Variants in TMEM59 observed in about 807,000 individuals in gnomAD.
TMEM59 encodes the protein transmembrane protein 59.
TMEM59 carries 44 observed loss-of-function variants against 42.2 expected under a neutral mutation model. The observed-to-expected ratio is 1.04, with a 90% CI of 0.82 to 1.34. The LOEUF is 1.34. Among genes scored for constraint, TMEM59 ranks in the 40% most tolerant of loss-of-function variants. The pLI, the probability that TMEM59 is intolerant of heterozygous loss-of-function variation, is 0.00. For missense variants in TMEM59, 359 were observed against 382.8 expected, an observed-to-expected ratio of 0.94 and a Z score of 0.52; for synonymous variants, 148 against 145.8, an observed-to-expected ratio of 1.02 and a Z score of -0.11.
intron 3 of TMEM59, 58 bp downstream of exon 3, chr1:54,045,634 G>A: frequency 6.6e-7 from 1 of 1,509,606 alleles, no homozygotes; most frequent in East Asian, 2.3e-5. Flanking sequence ...AACACTTCAA[G>A]CAATACAAGT....
chr1:54,043,348 T>C, intron 4 of TMEM59, 25 bp downstream of exon 4: 1 of 1,505,076 alleles, frequency 6.6e-7, no homozygotes, highest in African/African-American at 1.4e-5. Context: ...AGTATTTAGA[T>C]GAATCCATGA....
chr1:54,038,526 G>C (rs1193968877), intron 6 of TMEM59, among the ~76,000 whole-genome samples: 2 of 152,206 alleles, frequency 1.3e-5, no homozygotes, highest in East Asian at 3.8e-4. Context: ...AAATGCAAGT[G>C]AAGAAAGAGT....
At chr1:54,050,652 G>A (rs1370385917) in intron 1 of TMEM59, among the ~76,000 whole-genome samples, 2 of 150,898 alleles carry the variant, frequency 1.3e-5, no homozygotes, top group African/African-American at 4.9e-5. Context: ...TCTGTCTCCC[G>A]GGTTCAGGCG....
Position 54,029,560 on chromosome 1 carries a change from A to T in TMEM59, c.*2590T>A, listed in dbSNP as rs1656701615. 6.6e-6 allele frequency: 1 copy of T among 152,194 alleles called. No individual in the cohort carries two copies. The highest frequency in any genetic ancestry group is 2.4e-5 in the African/African-American group (1 of 41,450). 9.4% of individuals were successfully genotyped at this position (152,194 alleles called of 1,614,324 possible). A position where few individuals can be genotyped will look rare whatever the true frequency, so the allele number is the denominator to read the frequency against. The stretch of plus-strand genomic sequence containing the variant: ...AGTTAGGCACATCCAAGAAGGGCAA[A>T]ACTGTTACTTTAGGAGAAGGGGCTT... On this transcript the variant is annotated 3_prime_UTR_variant, in exon 8 of 8. Coordinates refer to ENST00000234831, the MANE Select transcript of TMEM59 (RefSeq NM_004872.5).
upstream of TMEM59, chr1:54,053,435 G>A (rs759874364): frequency 1.9e-4 from 101 of 528,514 alleles, no homozygotes; most frequent in African/African-American, 6.1e-4. Context: ...GCGAAGCGGG[G>A]CCTCCTGACT....
intron 1 of TMEM59, among the ~76,000 whole-genome samples, chr1:54,050,707 C>T (rs1657505474): frequency 1.3e-5 from 2 of 151,538 alleles, no homozygotes; most frequent in African/African-American, 2.4e-5. Flanking sequence ...TACAGGCGCC[C>T]GCCACCACGA....
At chr1:54,053,249 T>G, upstream of TMEM59, 1 of 1,581,970 alleles carries the variant, frequency 6.3e-7, no homozygotes, top group Non-Finnish European at 8.6e-7. Context: ...GGTTTCCTCC[T>G]CCTCCTGGGG....
Position 54,041,782 on chromosome 1 carries a change from T to G in TMEM59, c.567A>C (p.Ala189=), listed in dbSNP as rs985966874. The G allele has an allele frequency of 1.2e-6, 2 of 1,613,362 alleles. No individual in the cohort carries two copies. Among genetic ancestry groups the G allele is most frequent in the African/African-American group, 2.7e-5 (2 of 74,914 alleles). ...TTGTAGGCTCCTGCTCCAAATGTGG[T>G]GCGTACTGGATTTCTGGCTTAGACT... ...IFQSKPEIQY[A]PHLEQEPTNL... Residue 189 remains alanine, a synonymous_variant, in exon 5 of 8, where the codon GCA becomes GCC. Coordinates refer to ENST00000234831, the MANE Select transcript of TMEM59 (RefSeq NM_004872.5).
At chr1:54,044,754 A>G (rs961834393) in intron 3 of TMEM59, 1 of 152,154 alleles carries the variant, frequency 6.6e-6, no homozygotes, top group Non-Finnish European at 1.5e-5. Flanking sequence ...ACAAAAGAAA[A>G]AGATTAGGAA....
chr1:54,027,268 T>C lies in TMEM59; in HGVS notation c.*4882A>G, dbSNP rs1444569824. On this transcript the variant is annotated 3_prime_UTR_variant, in exon 8 of 8. Transcript: ENST00000234831. ...AGTCTTATTTTGTGTTAACAGAATA[T>C]GTATGTTACTGGATCATAAAACTTT... 1 of 152,268 alleles carries C rather than the reference T, an allele frequency of 6.6e-6. No individual in the cohort carries two copies. The highest frequency in any genetic ancestry group is 1.5e-5 in the Non-Finnish European group (1 of 68,044). 9.4% of individuals were successfully genotyped at this position (152,268 alleles called of 1,614,324 possible).
At chr1:54,053,485 G>T (rs11206279), upstream of TMEM59, 27 of 383,348 alleles carry the variant, frequency 7.0e-5, no homozygotes, top group South Asian at 7.4e-4. Context: ...GTAGTTCTCC[G>T]TAGGCGGGAG....
intron 2 of TMEM59, among the ~76,000 whole-genome samples, chr1:54,046,333 A>G (rs999163575): frequency 2.6e-5 from 4 of 152,258 alleles, no homozygotes; most frequent in Non-Finnish European, 5.9e-5. Flanking sequence ...TAAAACAATC[A>G]GCCTAACATC....
chr1:54,051,764 G>A (rs1166390157), intron 1 of TMEM59, among the ~76,000 whole-genome samples: 3 of 152,228 alleles, frequency 2.0e-5, no homozygotes, highest in Admixed American at 2.0e-4. Flanking sequence ...ATTGATTTAA[G>A]TCTGAAGTTA....
intron 1 of TMEM59, among the ~76,000 whole-genome samples, chr1:54,050,713 C>T (rs976857257): frequency 6.6e-6 from 1 of 151,818 alleles, no homozygotes; most frequent in African/African-American, 2.4e-5. Context: ...CGCCCGCCAC[C>T]ACGACTGGCT....
At chr1:54,042,994 C>T (rs1174034704) in intron 4 of TMEM59, among the ~76,000 whole-genome samples, 1 of 152,134 alleles carries the variant, frequency 6.6e-6, no homozygotes, top group Non-Finnish European at 1.5e-5. Context: ...CTGTAAAAAA[C>T]TAAAAATTAT....
intron 3 of TMEM59, 34 bp from the exon 4 acceptor site, chr1:54,043,559 T>C: frequency 7.6e-7 from 1 of 1,318,036 alleles, no homozygotes; most frequent in Non-Finnish European, 9.9e-7. Context: ...AAATATATTA[T>C]TTTTATATAT....
At chr1:54,053,287 G>T (rs1014099288), upstream of TMEM59, 3 of 1,441,184 alleles carry the variant, frequency 2.1e-6, no homozygotes, top group African/African-American at 4.2e-5. Flanking sequence ...CCCACCGACC[G>T]TTGCTTCCGC....
At chr1:54,047,398 T>C in intron 1 of TMEM59, 26 bp from the exon 2 acceptor site, 1 of 1,582,290 alleles carries the variant, frequency 6.3e-7, no homozygotes, top group Non-Finnish European at 8.6e-7. Context: ...ACAGGAAGGG[T>C]TACCAAAAAA....
intron 1 of TMEM59, among the ~76,000 whole-genome samples, chr1:54,048,950 G>T (rs771934124): frequency 5.3e-5 from 8 of 152,188 alleles, no homozygotes; most frequent in Non-Finnish European, 7.3e-5. Context: ...AGTAGCTGTT[G>T]CAGGCTTTGT....
Sources: allele counts gnomAD v4.1 joint callset (sites outside exome capture counted in the v4.1 genomes callset), GRCh38; gene constraint gnomAD v4.1.1; transcripts MANE v1.5; gene names NCBI Gene and HGNC (gene_info 2026-07-23, HGNC 2026-07-21).